Variants in UTP20 observed in about 807,000 individuals in gnomAD.
The protein encoded by UTP20 is UTP20 small subunit processome component.
UTP20 carries 164 observed loss-of-function variants against 329.5 expected under a neutral mutation model. The observed-to-expected ratio is 0.50, with a 90% confidence interval of 0.44 to 0.57. The LOEUF (loss-of-function observed/expected upper bound fraction) is 0.57. Ranked by LOEUF, UTP20 falls within the 20% of genes least tolerant of loss-of-function variation. UTP20 has a pLI of 0.00. For synonymous variants in UTP20, 1,151 were observed against 1,159.3 expected (o/e 0.99, Z 0.14); for missense variants, 3,055 against 3,284.2 (o/e 0.93, Z 1.71).
chr12:101,365,665 C>T lies in UTP20; in HGVS notation c.6125+40C>T, dbSNP rs61183264. 36 of 1,483,106 alleles carry T rather than the reference C, an allele frequency of 2.4e-5. No homozygotes were observed. The South Asian group carries it at 3.7e-4, about 15-fold the overall frequency. 91.9% of individuals were successfully genotyped at this position (1,483,106 alleles called of 1,614,324 possible). A position where few individuals can be genotyped will look rare whatever the true frequency, so the allele number is the denominator to read the frequency against. On this transcript the variant is annotated intron_variant, in intron 46 of 61. Transcript: ENST00000261637. Reference sequence around the variant, plus strand: ...AAACAAACTGTCATTTAGGTCTCTGCGTCTGATAAGCCATTCTGTGGGTTG... The same window carrying T: ...AAACAAACTGTCATTTAGGTCTCTGTGTCTGATAAGCCATTCTGTGGGTTG...
intron 47 of UTP20, among the ~76,000 whole-genome samples, chr12:101,367,375 G>C (rs953238450): frequency 6.6e-6 from 1 of 151,954 alleles, no homozygotes; most frequent in Non-Finnish European, 1.5e-5. Context: ...TCATTGACTC[G>C]CATTTTTCTA....
chr12:101,351,824 T>A (rs1418908595), intron 38 of UTP20, among the ~76,000 whole-genome samples: 3 of 152,098 alleles, frequency 2.0e-5, no homozygotes, highest in East Asian at 3.9e-4. Context: ...ATCAGGGAGG[T>A]CTGAGTGGAA....
rs1027913895 is a variant in UTP20, at chr12:101,285,746, C to A, written c.194-3C>A. On this transcript the variant is annotated splice_polypyrimidine_tract_variant and splice_region_variant and intron_variant, in intron 3 of 61. Transcript: ENST00000261637. ...AGAACATATTTTTTTTTCCCCCACT[C>A]AGGAAAATTTTACAAAGAAGTTATT... 1.9e-6 allele frequency: 3 copies of A among 1,612,678 alleles called. No individual in the cohort carries two copies. The highest frequency in any genetic ancestry group is 3.3e-4 in the Middle Eastern group (2 of 6,052).
At chr12:101,378,416 T>A (rs556429381) in intron 56 of UTP20, among the ~76,000 whole-genome samples, 2 of 152,210 alleles carry the variant, frequency 1.3e-5, no homozygotes, top group Admixed American at 1.3e-4. Flanking sequence ...ATACTTACAT[T>A]ACTCACTTTA....
intron 29 of UTP20, among the ~76,000 whole-genome samples, chr12:101,336,107 A>G (rs1417035272): frequency 1.3e-5 from 2 of 152,180 alleles, no homozygotes; most frequent in Non-Finnish European, 2.9e-5. Context: ...TAGAAGCCAT[A>G]TAGCAATGGA....
In UTP20 at chr12:101,386,359, C is replaced by A. The variant is rs1555203838; in HGVS notation, c.*236C>A. The A allele has an allele frequency of 5.7e-6, 2 of 350,632 alleles. No homozygotes were observed. The highest frequency in any genetic ancestry group is 1.0e-5 in the Non-Finnish European group (2 of 197,894). 21.7% of individuals were successfully genotyped at this position (350,632 alleles called of 1,614,324 possible). On this transcript the variant is annotated 3_prime_UTR_variant, in exon 62 of 62. Transcript: ENST00000261637. ...GTAGTTGTGCCTCCTAGGCACACAA[C>A]ACTATGCCCGGCAAATTTTTTGTAT... is the stretch of plus-strand genomic sequence containing the variant.
intron 57 of UTP20, among the ~76,000 whole-genome samples, chr12:101,380,000 G>A (rs1045310797): frequency 2.6e-5 from 4 of 151,874 alleles, no homozygotes; most frequent in African/African-American, 7.3e-5. Context: ...GTTCTTTATC[G>A]GCATTGGAAA....
intron 28 of UTP20, 38 bp from the exon 29 acceptor site, chr12:101,334,387 T>G (rs566567507): frequency 6.4e-7 from 1 of 1,555,062 alleles, no homozygotes; most frequent in South Asian, 1.1e-5. Context: ...TAATTTGGTA[T>G]ATGTATTTGG....
intron 51 of UTP20, among the ~76,000 whole-genome samples, chr12:101,372,272 A>G (rs939495975): frequency 2.6e-5 from 4 of 152,218 alleles, no homozygotes; most frequent in Admixed American, 1.3e-4. Context: ...TAGTGGTTTG[A>G]AAGTGCAGCC....
intron 38 of UTP20, among the ~76,000 whole-genome samples, chr12:101,348,109 G>A (rs1322328894): frequency 1.3e-5 from 2 of 152,202 alleles, no homozygotes; most frequent in African/African-American, 4.8e-5. Context: ...GATTACAGGC[G>A]TGAGCCACCA....
At chr12:101,373,905 T>G in intron 54 of UTP20, 138 bp downstream of exon 54, 1 of 1,062,988 alleles carries the variant, frequency 9.4e-7, no homozygotes, top group Non-Finnish European at 1.3e-6. Flanking sequence ...ATGCAAATAG[T>G]ATATTCTTAA....
At chr12:101,373,362 A>G (rs1870355238) in intron 52 of UTP20, 39 bp from the exon 53 acceptor site, 1 of 1,537,040 alleles carries the variant, frequency 6.5e-7, no homozygotes, top group Non-Finnish European at 9.0e-7. Flanking sequence ...TTGTAAATTT[A>G]GAAGATACTA....
intron 25 of UTP20, among the ~76,000 whole-genome samples, chr12:101,323,890 G>A (rs1227540651): frequency 1.3e-5 from 2 of 152,164 alleles, no homozygotes; most frequent in African/African-American, 4.8e-5. Flanking sequence ...TGTAATCCCA[G>A]CTCTTTGGGA....
intron 35 of UTP20, among the ~76,000 whole-genome samples, chr12:101,343,731 C>A (rs528343610): frequency 6.6e-6 from 1 of 152,110 alleles, no homozygotes; most frequent in Admixed American, 6.5e-5. Context: ...AGGCTAGTCT[C>A]GAACTTCTGA....
intron 21 of UTP20, among the ~76,000 whole-genome samples, chr12:101,316,844 G>T (rs758926967): frequency 3.9e-5 from 6 of 152,150 alleles, no homozygotes; most frequent in Non-Finnish European, 8.8e-5. Flanking sequence ...AAAAATAAAG[G>T]ATGAAATTTA....
At chr12:101,306,164 G>T (rs1349571413) in intron 16 of UTP20, 99 bp downstream of exon 16, 7 of 1,389,810 alleles carry the variant, frequency 5.0e-6, no homozygotes, top group Admixed American at 4.8e-5. Context: ...AAGTGTTGCT[G>T]TGGGATGATT....
At chr12:101,345,462 CT>C in intron 36 of UTP20, 91 bp from the exon 37 acceptor site, 4 of 931,322 alleles carry the variant, frequency 4.3e-6, no homozygotes, top group Non-Finnish European at 6.1e-6. Context: ...AAATATTTTA[CT>C]TTTTAAAATT....
At chr12:101,289,451 C>G (rs1458052773) in intron 6 of UTP20, among the ~76,000 whole-genome samples, 1 of 151,934 alleles carries the variant, frequency 6.6e-6, no homozygotes, top group Non-Finnish European at 1.5e-5. Context: ...AAGTAGATAT[C>G]TTTTAAAAAT....
intron 56 of UTP20, among the ~76,000 whole-genome samples, chr12:101,376,443 A>C (rs894472887): frequency 2.6e-5 from 4 of 152,182 alleles, no homozygotes; most frequent in Non-Finnish European, 4.4e-5. Context: ...GGTATAGCCT[A>C]TTACACCCCT....
Sources: gnomAD v4.1 joint callset for allele counts (sites outside exome capture counted in the v4.1 genomes callset) on GRCh38, gnomAD v4.1.1 for gene constraint, MANE v1.5 for transcripts, NCBI Gene and HGNC (gene_info 2026-07-23, HGNC 2026-07-21) for gene names.